Variants in SLC39A9 observed in about 807,000 individuals in gnomAD.
The protein encoded by SLC39A9 is zinc transporter ZIP9.
SLC39A9 carries 14 observed loss-of-function variants against 28.4 expected under a neutral mutation model. That is an observed-to-expected ratio of 0.49 (90% CI 0.33 to 0.77). The LOEUF is 0.77. SLC39A9 is among the 30% of genes least tolerant of loss of function. SLC39A9 has a pLI of 0.02. For missense variants in SLC39A9, 283 were observed against 381.1 expected (o/e 0.74, Z 2.14); for synonymous variants, 119 against 149.6 (o/e 0.80, Z 1.49).
chr14:69,424,058 C>T, intron 1 of SLC39A9, 36 bp from the exon 2 acceptor site: 1 of 1,517,418 alleles, frequency 6.6e-7, no homozygotes, highest in African/African-American at 1.4e-5. Flanking sequence ...ATTAATTAAT[C>T]AAAGTTTGCA....
intron 3 of SLC39A9, among the ~76,000 whole-genome samples, chr14:69,443,483 C>G (rs549594662): frequency 6.6e-6 from 1 of 152,194 alleles, no homozygotes; most frequent in East Asian, 1.9e-4. Context: ...TAAAGATAAT[C>G]TACAACTGTA....
intron 6 of SLC39A9, among the ~76,000 whole-genome samples, chr14:69,456,433 T>G (rs755904522): frequency 6.6e-6 from 1 of 152,204 alleles, no homozygotes; most frequent in Non-Finnish European, 1.5e-5. Context: ...CAACAAACCC[T>G]TCCTTAACGG....
chr14:69,435,436 CATTT>C (rs1159726361), intron 2 of SLC39A9, among the ~76,000 whole-genome samples: 5 of 152,162 alleles, frequency 3.3e-5, no homozygotes, highest in Non-Finnish European at 5.9e-5. Flanking sequence ...CAGTGCCATT[CATTT>C]AAAGTGGACT....
intron 1 of SLC39A9, among the ~76,000 whole-genome samples, chr14:69,422,127 G>T (rs750199766): frequency 6.6e-6 from 1 of 152,052 alleles, no homozygotes; most frequent in African/African-American, 2.4e-5. Flanking sequence ...GTTCCTATTC[G>T]GCCATCTTGG....
At chr14:69,453,213 A>G (rs775664520) in intron 3 of SLC39A9, 28 bp from the exon 4 acceptor site, 5 of 1,594,176 alleles carry the variant, frequency 3.1e-6, no homozygotes, top group Non-Finnish European at 3.4e-6. Flanking sequence ...CACATAGCTT[A>G]ACGCTGTCTT....
At chr14:69,398,388 T>A (rs1196545783), upstream of SLC39A9, 1 of 1,003,634 alleles carries the variant, frequency 1.0e-6, no homozygotes, top group East Asian at 2.6e-5. Context: ...AGAGGCACAG[T>A]CACTTCCGGC....
chr14:69,436,190 G>A (rs181092856), intron 2 of SLC39A9, among the ~76,000 whole-genome samples: 1 of 151,844 alleles, frequency 6.6e-6, no homozygotes, highest in Non-Finnish European at 1.5e-5. Flanking sequence ...GATCACTTGA[G>A]TATAGGAGTT....
intron 3 of SLC39A9, among the ~76,000 whole-genome samples, chr14:69,442,609 A>G (rs1356352683): frequency 6.6e-6 from 1 of 152,264 alleles, no homozygotes; most frequent in Non-Finnish European, 1.5e-5. Flanking sequence ...TGTATAAAAC[A>G]TAGTACATAA....
At chr14:69,436,428 A>C (rs1884756911) in intron 2 of SLC39A9, among the ~76,000 whole-genome samples, 1 of 152,192 alleles carries the variant, frequency 6.6e-6, no homozygotes, top group Admixed American at 6.5e-5. Context: ...TTTTGGTTGT[A>C]TGCTGGACAT....
chr14:69,439,357 G>T (rs947724588), intron 2 of SLC39A9, among the ~76,000 whole-genome samples: 1 of 151,778 alleles, frequency 6.6e-6, no homozygotes, highest in Non-Finnish European at 1.5e-5. Context: ...AATAGCATCA[G>T]AAAATAAAAT....
chr14:69,409,168 A>G (rs1162671090), intron 1 of SLC39A9, among the ~76,000 whole-genome samples: 2 of 152,262 alleles, frequency 1.3e-5, no homozygotes, highest in Non-Finnish European at 2.9e-5. Flanking sequence ...TCTATTATCC[A>G]ACTGTTCAAT....
chr14:69,443,466 G>A (rs921390058), intron 3 of SLC39A9, among the ~76,000 whole-genome samples: 2 of 152,190 alleles, frequency 1.3e-5, no homozygotes, highest in Non-Finnish European at 2.9e-5. Flanking sequence ...GAGTGAAAGC[G>A]ATAATTTAAA....
chr14:69,445,627 A>G (rs975469572), intron 3 of SLC39A9, among the ~76,000 whole-genome samples: 1 of 152,204 alleles, frequency 6.6e-6, no homozygotes, highest in African/African-American at 2.4e-5. Context: ...TGTTCAGTGC[A>G]GTGGTCAAGT....
chr14:69,444,683 A>G (rs1232143278), intron 3 of SLC39A9, among the ~76,000 whole-genome samples: 1 of 152,258 alleles, frequency 6.6e-6, no homozygotes, highest in Non-Finnish European at 1.5e-5. Flanking sequence ...ATGAAAATAC[A>G]TATGCACAAG....
At chr14:69,446,873 CAAA>C (rs35612117) in intron 3 of SLC39A9, among the ~76,000 whole-genome samples, 8 of 89,806 alleles carry the variant, frequency 8.9e-5, no homozygotes, top group Non-Finnish European at 1.6e-4. Context: ...AACTCTGTCT[CAAA>C]AAAAAAAAAA....
intron 1 of SLC39A9, among the ~76,000 whole-genome samples, chr14:69,408,154 G>A (rs1438536635): frequency 2.6e-5 from 4 of 151,826 alleles, no homozygotes; most frequent in African/African-American, 4.8e-5. Context: ...CTGAGATTAC[G>A]GCTGCCTACC....
In SLC39A9 at chr14:69,458,509, G is replaced by A. The variant is rs757427777; in HGVS notation, c.840G>A (p.Gly280=). ...GHSHKPDATG[G]RGLSRLEVAA... ...GCCACAAGCCCGATGCCACGGGAGG[G>A]AGAGGCCTCAGCCGCCTGGAAGTGG... The change falls in exon 7 of 7, where the codon GGG becomes GGA. Residue 280 remains glycine (G), a synonymous_variant. Transcript: ENST00000336643. The A allele has an allele frequency of 2.5e-6, 4 of 1,614,272 alleles. No homozygotes were observed. The highest frequency in any genetic ancestry group is 3.4e-6 in the Non-Finnish European group (4 of 1,180,046).
At chr14:69,411,256 T>C (rs1201643107) in intron 1 of SLC39A9, among the ~76,000 whole-genome samples, 1 of 152,060 alleles carries the variant, frequency 6.6e-6, no homozygotes, top group South Asian at 2.1e-4. Context: ...TGGCTTGTCT[T>C]TAGGTGAACC....
At chr14:69,452,119 A>AC (rs1461074438) in intron 3 of SLC39A9, among the ~76,000 whole-genome samples, 5 of 152,228 alleles carry the variant, frequency 3.3e-5, no homozygotes, top group African/African-American at 1.2e-4. Flanking sequence ...TGTGCCAAGA[A>AC]TTACAGGTGA....
Sources: allele counts gnomAD v4.1 joint callset (sites outside exome capture counted in the v4.1 genomes callset), GRCh38; gene constraint gnomAD v4.1.1; transcripts MANE v1.5; gene names NCBI Gene and HGNC (gene_info 2026-07-23, HGNC 2026-07-21).